Variants in CCNY observed in about 807,000 individuals in gnomAD.
CCNY encodes cyclin-Y.
Under a neutral mutation model 42.8 loss-of-function variants are expected in CCNY, and 19 were observed. The observed-to-expected ratio is 0.44, with a 90% CI of 0.31 to 0.65. The LOEUF (loss-of-function observed/expected upper bound fraction) is 0.65. CCNY is among the 30% of genes least tolerant of loss of function. The pLI is 0.07. For synonymous variants in CCNY, 165 were observed against 162.7 expected (o/e 1.01, Z -0.11); for missense variants, 370 against 437.3 (o/e 0.85, Z 1.37).
chr10:35,525,002 A>G (rs1049941864), intron 4 of CCNY, among the ~76,000 whole-genome samples: 3 of 152,226 alleles, frequency 2.0e-5, no homozygotes, highest in African/African-American at 7.2e-5. Flanking sequence ...TGGAAATAAT[A>G]TAGTTGTAGA....
At chr10:35,324,095 TG>T (rs1835853115) in intron 3 of CCNY, among the ~76,000 whole-genome samples, 1 of 151,940 alleles carries the variant, frequency 6.6e-6, no homozygotes, top group African/African-American at 2.4e-5. Flanking sequence ...AAAGGGAATG[TG>T]AAAAAGAATA....
chr10:35,337,212 G>C lies in CCNY; in HGVS notation c.154+5G>C. 6.5e-7 allele frequency: 1 copy of C among 1,527,768 alleles called. No homozygotes were observed. Among genetic ancestry groups the C allele is most frequent in the Non-Finnish European group, 8.8e-7 (1 of 1,135,476 alleles). The allele number at this position is 1,527,768 out of a possible 1,614,324, so 94.6% of individuals were successfully genotyped here. A position where few individuals can be genotyped will look rare whatever the true frequency, so the allele number is the denominator to read the frequency against. ...GCGACCGGGAGAACATAGACGGTGAGTGCGGCCCGCCGAGCCCCCTACCCG... is the reference window on the plus strand; with the variant it reads ...GCGACCGGGAGAACATAGACGGTGACTGCGGCCCGCCGAGCCCCCTACCCG... On this transcript the variant is annotated splice_donor_5th_base_variant and intron_variant, in intron 1 of 9. Coordinates refer to ENST00000374704, the MANE Select transcript of CCNY (RefSeq NM_145012.6).
chr10:35,338,764 G>C (rs931092590), intron 1 of CCNY, among the ~76,000 whole-genome samples: 17 of 152,126 alleles, frequency 1.1e-4, no homozygotes, highest in Admixed American at 9.8e-4. Flanking sequence ...ATGTTGTGCA[G>C]TATCTAGCGG....
chr10:35,566,336 A>G (rs1448644259), intron 9 of CCNY, 151 bp downstream of exon 9: 1 of 820,354 alleles, frequency 1.2e-6, no homozygotes, highest in Non-Finnish European at 1.8e-6. Flanking sequence ...GCAGTTGATT[A>G]TGATTTGTTC....
chr10:35,384,911 C>G (rs1007327846), intron 1 of CCNY, among the ~76,000 whole-genome samples: 1 of 152,170 alleles, frequency 6.6e-6, no homozygotes, highest in African/African-American at 2.4e-5. Flanking sequence ...ATGGTCCATA[C>G]CCACATTTGC....
intron 7 of CCNY, among the ~76,000 whole-genome samples, chr10:35,539,181 A>G (rs1237670217): frequency 6.6e-6 from 1 of 152,216 alleles, no homozygotes; most frequent in Non-Finnish European, 1.5e-5. Context: ...TTGAAATTGG[A>G]AAGTATGAGT....
chr10:35,381,785 A>G (rs1837191289), intron 1 of CCNY, among the ~76,000 whole-genome samples: 1 of 152,224 alleles, frequency 6.6e-6, no homozygotes, highest in Non-Finnish European at 1.5e-5. Context: ...GTAGATTTGA[A>G]ATAAATGATA....
chr10:35,518,238 A>G (rs1589174302), intron 4 of CCNY, among the ~76,000 whole-genome samples: 1 of 152,250 alleles, frequency 6.6e-6, no homozygotes, highest in African/African-American at 2.4e-5. Context: ...AGGAGGCACA[A>G]ACACCTAAGT....
At chr10:35,506,280 G>A (rs1840212270) in intron 3 of CCNY, among the ~76,000 whole-genome samples, 1 of 152,198 alleles carries the variant, frequency 6.6e-6, no homozygotes, top group African/African-American at 2.4e-5. Flanking sequence ...ATAATTGAGA[G>A]TACAGGATTT....
At chr10:35,322,355 A>G (rs79015131) in intron 3 of CCNY, among the ~76,000 whole-genome samples, 1 of 74,808 alleles carries the variant, frequency 1.3e-5, no homozygotes, top group African/African-American at 4.1e-5. Flanking sequence ...CTCTGTCTCA[A>G]AAAAAAAAAA....
chr10:35,514,085 A>AC (rs1262244795), intron 3 of CCNY, among the ~76,000 whole-genome samples: 2 of 150,736 alleles, frequency 1.3e-5, no homozygotes, highest in Non-Finnish European at 1.5e-5. Flanking sequence ...CAAAAAAAAA[A>AC]AAAAAAAAAA....
intron 1 of CCNY, among the ~76,000 whole-genome samples, chr10:35,398,725 A>C (rs1056819101): frequency 1.3e-5 from 2 of 152,288 alleles, no homozygotes; most frequent in Middle Eastern, 3.4e-3. Flanking sequence ...AAAACAAAAA[A>C]CCGTAAAGTG....
chr10:35,534,479 G>T (rs1476882528), intron 7 of CCNY, among the ~76,000 whole-genome samples: 1 of 152,224 alleles, frequency 6.6e-6, no homozygotes, highest in Non-Finnish European at 1.5e-5. Context: ...TTGATGGAGG[G>T]ATTCCGGCAT....
chr10:35,330,812 G>A (rs1835935067), intron 3 of CCNY, among the ~76,000 whole-genome samples: 2 of 151,130 alleles, frequency 1.3e-5, no homozygotes, highest in African/African-American at 4.9e-5. Context: ...CTGGAGTGCA[G>A]TGGCAACATC....
chr10:35,498,884 G>C (rs1158874188), intron 2 of CCNY, among the ~76,000 whole-genome samples: 1 of 152,198 alleles, frequency 6.6e-6, no homozygotes, highest in East Asian at 1.9e-4. Flanking sequence ...AAATAGGGTA[G>C]TGTGTAGGTG....
chr10:35,277,163 T>C (rs765746181), intron 3 of CCNY, among the ~76,000 whole-genome samples: 26 of 152,334 alleles, frequency 1.7e-4, no homozygotes, highest in Non-Finnish European at 2.9e-4. Flanking sequence ...GGGACTTACT[T>C]GACCTGTTAC....
chr10:35,567,361 C>G (rs945536751), intron 9 of CCNY, among the ~76,000 whole-genome samples: 1 of 152,238 alleles, frequency 6.6e-6, no homozygotes, highest in Non-Finnish European at 1.5e-5. Context: ...CCAGGCTCTT[C>G]CCACTTGACC....
chr10:35,411,754 A>G (rs528076197), intron 1 of CCNY, among the ~76,000 whole-genome samples: 1 of 152,240 alleles, frequency 6.6e-6, no homozygotes, highest in Non-Finnish European at 1.5e-5. Context: ...CTACTAAGAG[A>G]TTTCTTCCAT....
At chr10:35,509,737 T>TC (rs1453510701) in intron 3 of CCNY, among the ~76,000 whole-genome samples, 1 of 152,230 alleles carries the variant, frequency 6.6e-6, no homozygotes, top group Non-Finnish European at 1.5e-5. Context: ...CCGGGTGCCT[T>TC]CCCCGCATGG....
Sources: allele counts gnomAD v4.1 joint callset (sites outside exome capture counted in the v4.1 genomes callset), GRCh38; gene constraint gnomAD v4.1.1; transcripts MANE v1.5; gene names NCBI Gene and HGNC (gene_info 2026-07-23, HGNC 2026-07-21).